The following SPTB variants were observed in gnomAD, a reference collection of about 807,000 sequenced individuals.
SPTB encodes the protein spectrin beta chain, erythrocytic.
Under a neutral mutation model 256.2 loss-of-function variants are expected in SPTB, and 45 were observed. That is an observed-to-expected ratio of 0.18 (90% CI 0.14 to 0.23). The LOEUF is 0.23. Among genes scored for constraint, SPTB ranks in the 10% least tolerant of loss-of-function variants. The probability of loss-of-function intolerance (pLI) is 1.00; values close to 1 mark genes in which losing one functional copy is unlikely to be tolerated. For missense variants in SPTB, 2,715 were observed against 3,040.4 expected (o/e 0.89, Z 2.52); for synonymous variants, 1,231 against 1,243.1 (o/e 0.99, Z 0.21).
At chr14:64,877,270 T>C (rs559894010) in intron 1 of SPTB, among the ~76,000 whole-genome samples, 1 of 152,284 alleles carries the variant, frequency 6.6e-6, no homozygotes, top group African/African-American at 2.4e-5. Flanking sequence ...ATGCCCAATA[T>C]TATCTTCAGA....
At chr14:64,821,293 A>G (rs146414022) in intron 2 of SPTB, among the ~76,000 whole-genome samples, 161 of 152,306 alleles carry the variant, frequency 1.1e-3, no homozygotes, top group Middle Eastern at 3.4e-3. Flanking sequence ...TGAGAGACAG[A>G]CACTATACTG....
chr14:64,749,967 C>T lies in SPTB; in HGVS notation c.6776+14G>A, dbSNP rs764069251. On this transcript the variant is annotated intron_variant, in intron 34 of 35. Transcript: ENST00000644917. The surrounding 1 kb of genome is among the most constrained non-coding windows in gnomAD (Gnocchi z 4.7). Reference sequence around the variant, plus strand: ...GCCATCAACCCGAGCTTTCAAAGGCCAGGAAGGCCTCACCTCAGCTTAAAG... The same window carrying T: ...GCCATCAACCCGAGCTTTCAAAGGCTAGGAAGGCCTCACCTCAGCTTAAAG... 6.2e-7 allele frequency: 1 copy of T among 1,614,082 alleles called. No individual in the cohort carries two copies. Among genetic ancestry groups the T allele is most frequent in the East Asian group, 2.2e-5 (1 of 44,900 alleles).
intron 9 of SPTB, among the ~76,000 whole-genome samples, chr14:64,798,497 T>C (rs141737150): frequency 7.6e-4 from 115 of 152,284 alleles, no homozygotes; most frequent in African/African-American, 2.6e-3. Flanking sequence ...CTTCCACATT[T>C]CTGCATGTAC....
intron 1 of SPTB, among the ~76,000 whole-genome samples, chr14:64,871,097 G>A (rs1012542223): frequency 1.3e-5 from 2 of 152,144 alleles, no homozygotes; most frequent in South Asian, 2.1e-4. Flanking sequence ...ACATATATTT[G>A]AGCAAATAAT....
At chr14:64,768,146 A>G in intron 29 of SPTB, 1 of 486,602 alleles carries the variant, frequency 2.1e-6, no homozygotes, top group Non-Finnish European at 3.8e-6. Flanking sequence ...GGTTCAAGTG[A>G]TCCTCCCATC....
intron 1 of SPTB, among the ~76,000 whole-genome samples, chr14:64,843,777 G>A (rs1327724069): frequency 6.6e-6 from 1 of 152,146 alleles, no homozygotes; most frequent in African/African-American, 2.4e-5. Context: ...TGCCAGGCTT[G>A]GAGCATAGCA....
chr14:64,752,367 T>A, intron 33 of SPTB: 1 of 826,078 alleles, frequency 1.2e-6, no homozygotes, highest in Non-Finnish European at 1.7e-6. Context: ...GGGAGGAAGT[T>A]CTGGAAGGTC....
At chr14:64,876,838 G>C (rs1169573102) in intron 1 of SPTB, among the ~76,000 whole-genome samples, 1 of 152,184 alleles carries the variant, frequency 6.6e-6, no homozygotes, top group African/African-American at 2.4e-5. Flanking sequence ...TCAGTAGTTT[G>C]GTTAGGCAGA....
chr14:64,770,270 A>G (rs1372603283), intron 27 of SPTB, among the ~76,000 whole-genome samples: 1 of 152,164 alleles, frequency 6.6e-6, no homozygotes, highest in Non-Finnish European at 1.5e-5. Context: ...TATATTAAAA[A>G]CCACTGAATG....
Position 64,749,072 on chromosome 14 carries a change from A to C in SPTB, c.*234T>G, listed in dbSNP as rs1270097363. 1 of 450,878 alleles carries C rather than the reference A, an allele frequency of 2.2e-6. No individual in the cohort carries two copies. The highest frequency in any genetic ancestry group is 4.8e-5 in the East Asian group (1 of 20,628). 27.9% of individuals were successfully genotyped at this position (450,878 alleles called of 1,614,324 possible). ...CTGGAGGCCCCAAAGGCGCCAGAGG[A>C]GCTGGGAGCCCCTGTCCCTGGAGCG... is the stretch of plus-strand genomic sequence containing the variant. On this transcript the variant is annotated 3_prime_UTR_variant, in exon 36 of 36. Coordinates refer to ENST00000644917, the MANE Select transcript of SPTB (RefSeq NM_001355436.2). The surrounding 1 kb of genome is among the most constrained non-coding windows in gnomAD (Gnocchi z 4.7).
Position 64,793,256 on chromosome 14 carries a change from C to T in SPTB, c.2407G>A (p.Glu803Lys). The T allele has an allele frequency of 6.2e-7, 1 of 1,607,674 alleles. No individual in the cohort carries two copies. The highest frequency in any genetic ancestry group is 8.5e-7 in the Non-Finnish European group (1 of 1,179,996). ...TCGGGGAATCCCTGGGCCTGCTGCT[C>T]CAGGTGCTCCATCACCCCACGGCTC... ...EESRGVMEHL[E>K]QQAQGFPEEF... Residue 803 changes from glutamate to lysine, a missense_variant, in exon 14 of 36, where the codon GAG becomes AAG. Around this residue, in one of 4 missense-constraint regions of SPTB, gnomAD observed 2,239 missense variants for 2,384.4 expected, o/e 0.94. Transcript: ENST00000644917. This position sits in a 1 kb window ranked among gnomAD's most constrained non-coding sequence, Gnocchi z 7.0.
intron 1 of SPTB, among the ~76,000 whole-genome samples, chr14:64,855,138 C>T (rs2083851782): frequency 6.6e-6 from 1 of 152,176 alleles, no homozygotes; most frequent in African/African-American, 2.4e-5. Context: ...AGTTACCAGG[C>T]AAAGGGCCTC....
intron 2 of SPTB, among the ~76,000 whole-genome samples, chr14:64,817,532 G>A (rs2083213699): frequency 6.6e-6 from 1 of 152,218 alleles, no homozygotes; most frequent in Non-Finnish European, 1.5e-5. Context: ...GGGGAACATG[G>A]ACAACTGGTG....
chr14:64,855,531 T>G (rs879258228), intron 1 of SPTB, among the ~76,000 whole-genome samples: 1 of 15,048 alleles, frequency 6.6e-5, no homozygotes, highest in Non-Finnish European at 2.0e-4. Flanking sequence ...TTTTTAAATC[T>G]TTTCATATAC....
In SPTB at chr14:64,823,082, T is replaced by C; in HGVS notation, c.13A>G (p.Thr5Ala). 1.2e-6 allele frequency: 2 copies of C among 1,614,152 alleles called. No individual in the cohort carries two copies. The highest frequency in any genetic ancestry group is 1.7e-6 in the Non-Finnish European group (2 of 1,180,028). MTSA[T>A]EFENVGNQPP... The stretch of plus-strand genomic sequence containing the variant: ...TGGTTGCCCACATTTTCAAACTCTG[T>C]GGCCGATGTCATGTCAGCAGGCTCT... Residue 5 changes from threonine to alanine, a missense_variant, in exon 2 of 36, where the codon ACA becomes GCA. Coordinates refer to ENST00000644917, the MANE Select transcript of SPTB (RefSeq NM_001355436.2). The surrounding 1 kb of genome is among the most constrained non-coding windows in gnomAD (Gnocchi z 6.5).
At chr14:64,782,579 A>G in intron 19 of SPTB, 26 bp from the exon 20 acceptor site, 8 of 1,612,482 alleles carry the variant, frequency 5.0e-6, no homozygotes, top group Middle Eastern at 1.7e-4. Context: ...AGGAGAGCTC[A>G]CATTCTGGGC....
chr14:64,801,060 G>T (rs1455826962), intron 7 of SPTB, among the ~76,000 whole-genome samples, 192 bp from the exon 8 acceptor site: 1 of 152,198 alleles, frequency 6.6e-6, no homozygotes, highest in Admixed American at 6.5e-5. Context: ...AAAGAAGAAG[G>T]ATCCAAAGTC....
rs76114308 is a variant in SPTB at position 64,760,956 on chromosome 14, C to T, written c.6345+5770G>A. On this transcript the variant is annotated intron_variant, in intron 32 of 35. Transcript: ENST00000644917. The surrounding 1 kb of genome is among the most constrained non-coding windows in gnomAD (Gnocchi z 4.3). ...TCCTCACTCCAGAGGAAAGCACCTG[C>T]CCGATGGGGTTCACAGTCTAAATGA... is the stretch of plus-strand genomic sequence containing the variant. Among the ~76,000 whole-genome samples, 11,460 of 152,306 alleles carry T rather than the reference C, an allele frequency of 0.075. 529 individuals are homozygous for T. The highest frequency in any genetic ancestry group is 0.11 in the Non-Finnish European group (7,498 of 68,016).
intron 1 of SPTB, among the ~76,000 whole-genome samples, chr14:64,874,013 C>A (rs1402383622): frequency 1.3e-5 from 2 of 152,258 alleles, no homozygotes; most frequent in South Asian, 2.1e-4. Flanking sequence ...CTCTTCACTG[C>A]CACTGGTGAG....
Sources: gnomAD v4.1 joint callset for allele counts (sites outside exome capture counted in the v4.1 genomes callset) on GRCh38, gnomAD v4.1.1 for gene constraint, gnomAD v4.1.1 regional missense constraint, Gnocchi (gnomAD v3.1) non-coding constraint, MANE v1.5 for transcripts, NCBI Gene and HGNC (gene_info 2026-07-23, HGNC 2026-07-21) for gene names.